Variants in FILIP1 observed in about 807,000 individuals in gnomAD.
FILIP1 encodes the protein filamin A interacting protein 1.
Under a neutral mutation model 102.1 loss-of-function variants are expected in FILIP1, and 61 were observed. The ratio of observed to expected loss-of-function variants is 0.60; its 90% CI spans 0.49 to 0.74. The LOEUF (loss-of-function observed/expected upper bound fraction) is 0.74. FILIP1 is among the 30% of genes least tolerant of loss of function. The pLI is 0.00. For missense variants in FILIP1, 1,314 were observed against 1,441.2 expected, an observed-to-expected ratio of 0.91 and a Z score of 1.43; for synonymous variants, 491 against 526.9, an observed-to-expected ratio of 0.93 and a Z score of 0.93.
intron 2 of FILIP1, among the ~76,000 whole-genome samples, chr6:75,392,249 G>A (rs1448987340): frequency 6.6e-6 from 1 of 151,948 alleles, no homozygotes. Flanking sequence ...TGATTTTACT[G>A]GATTTCAAGG....
At chr6:75,442,949 CAAAG>C (rs1043236288) in intron 1 of FILIP1, among the ~76,000 whole-genome samples, 2 of 152,080 alleles carry the variant, frequency 1.3e-5, no homozygotes, top group Non-Finnish European at 2.9e-5. Context: ...AGAGAGGAAA[CAAAG>C]AAGGAAGAAA....
At position 75,312,663 on chromosome 6, in the gene FILIP1, C is replaced by T; in HGVS notation, c.3169G>A (p.Ala1057Thr). The T allele has an allele frequency of 6.2e-7, 1 of 1,614,162 alleles. No homozygotes were observed. The highest frequency in any genetic ancestry group is 8.5e-7 in the Non-Finnish European group (1 of 1,180,028). Residue 1057 changes from alanine (A) to threonine (T), a missense_variant, in exon 5 of 6, where the codon GCC becomes ACC. By Grantham distance (58) the Ala-to-Thr change is moderately conservative. This residue lies in a region of FILIP1 where 816 missense variants were observed against 913.1 expected (regional missense o/e 0.89). Coordinates refer to ENST00000237172, the MANE Select transcript of FILIP1 (RefSeq NM_015687.5). The part of the protein sequence containing the change: ...PTPVRKYNSN[A>T]NIITTEDNKI... ...TTGTCCTCTGTGGTTATGATATTGG[C>T]ATTGGAGTTGTATTTCCGTACTGGA...
At chr6:75,295,258 A>G (rs992635913) in exon 7 of FILIP1, 1 of 152,202 alleles carries the variant, frequency 6.6e-6, no homozygotes, top group African/African-American at 2.4e-5. Flanking sequence ...TTTTTGGCCC[A>G]GAACACCAGA....
intron 2 of FILIP1, among the ~76,000 whole-genome samples, chr6:75,363,429 G>A (rs1775233031): frequency 6.6e-6 from 1 of 152,154 alleles, no homozygotes; most frequent in African/African-American, 2.4e-5. Context: ...GATTCATTTT[G>A]CACAGAAACA....
intron 1 of FILIP1, among the ~76,000 whole-genome samples, chr6:75,491,116 A>T (rs1293255415): frequency 6.6e-6 from 1 of 152,172 alleles, no homozygotes; most frequent in Non-Finnish European, 1.5e-5. Flanking sequence ...AATCACTTCT[A>T]AAATGTATGA....
At chr6:75,431,530 T>C (rs1348991504) in intron 1 of FILIP1, among the ~76,000 whole-genome samples, 1 of 152,158 alleles carries the variant, frequency 6.6e-6, no homozygotes, top group Non-Finnish European at 1.5e-5. Context: ...AGAACATAAA[T>C]TGAGAATTGC....
chr6:75,387,247 C>G (rs1321388545), intron 2 of FILIP1, among the ~76,000 whole-genome samples: 3 of 152,072 alleles, frequency 2.0e-5, no homozygotes, highest in African/African-American at 4.8e-5. Flanking sequence ...ATGTGCCACA[C>G]TTTCTTTTTC....
intron 1 of FILIP1, among the ~76,000 whole-genome samples, chr6:75,435,228 C>G (rs1205576523): frequency 6.6e-6 from 1 of 151,988 alleles, no homozygotes; most frequent in Non-Finnish European, 1.5e-5. Flanking sequence ...TTTAATGTAG[C>G]CTTTTAAAAA....
At chr6:75,384,522 C>A (rs1168533832) in intron 2 of FILIP1, among the ~76,000 whole-genome samples, 1 of 152,064 alleles carries the variant, frequency 6.6e-6, no homozygotes, top group Non-Finnish European at 1.5e-5. Flanking sequence ...TGTGGTGAAT[C>A]TCATACGAGT....
chr6:75,326,126 T>C (rs9352206), intron 4 of FILIP1, among the ~76,000 whole-genome samples: 98,033 of 149,574 alleles, frequency 0.66, 31,737 homozygotes, highest in Middle Eastern at 0.76. Flanking sequence ...TAGATAGATA[T>C]ACACACACAC....
At chr6:75,431,167 G>A (rs1161921011) in intron 1 of FILIP1, among the ~76,000 whole-genome samples, 1 of 152,102 alleles carries the variant, frequency 6.6e-6, no homozygotes, top group Non-Finnish European at 1.5e-5. Flanking sequence ...CTGAGCATGA[G>A]GGCAGAGGAA....
intron 1 of FILIP1, among the ~76,000 whole-genome samples, chr6:75,436,238 G>A (rs1026519050): frequency 9.2e-5 from 14 of 152,054 alleles, no homozygotes; most frequent in Non-Finnish European, 1.3e-4. Context: ...CCAGGCTAGC[G>A]GCATGTGCCT....
chr6:75,324,164 G>C (rs1358667091), intron 4 of FILIP1, among the ~76,000 whole-genome samples: 1 of 152,010 alleles, frequency 6.6e-6, no homozygotes, highest in Non-Finnish European at 1.5e-5. Context: ...CATCCAGAAA[G>C]CTTCTAGATC....
chr6:75,476,739 T>G (rs773301538), intron 1 of FILIP1, among the ~76,000 whole-genome samples: 7 of 152,224 alleles, frequency 4.6e-5, no homozygotes, highest in Admixed American at 6.5e-5. Flanking sequence ...TTACAACCCT[T>G]GTACTTACAC....
Position 75,381,386 on chromosome 6 carries a change from C to T in FILIP1, c.277-18469G>A, listed in dbSNP as rs555293028. On this transcript the variant is annotated intron_variant, in intron 2 of 5. Transcript: ENST00000237172. Reference sequence around the variant, plus strand: ...CTGGGATTACAGGCGCGTGCCACCACGCCCGGCTAATTTTTGTATTTTTAG... The same window carrying T: ...CTGGGATTACAGGCGCGTGCCACCATGCCCGGCTAATTTTTGTATTTTTAG... Among the ~76,000 whole-genome samples the T allele has an allele frequency of 3.9e-5, 6 of 152,078 alleles. No individual in the cohort carries two copies. In the South Asian group the frequency reaches 6.2e-4, roughly 16 times the overall value.
chr6:75,490,795 T>C (rs1163182881), intron 1 of FILIP1, among the ~76,000 whole-genome samples: 3 of 152,088 alleles, frequency 2.0e-5, no homozygotes, highest in African/African-American at 7.2e-5. Context: ...AATTTTTCTG[T>C]GCGTGGTAAA....
chr6:75,339,193 G>A (rs939540914), intron 4 of FILIP1, among the ~76,000 whole-genome samples: 2 of 152,138 alleles, frequency 1.3e-5, no homozygotes, highest in African/African-American at 4.8e-5. Flanking sequence ...AACTATTGAT[G>A]GAAAATTTGT....
chr6:75,357,783 C>G (rs1775052645), intron 3 of FILIP1, among the ~76,000 whole-genome samples: 2 of 152,192 alleles, frequency 1.3e-5, no homozygotes, highest in African/African-American at 2.4e-5. Flanking sequence ...TTGTTTGGAA[C>G]TACATCAGTC....
chr6:75,414,775 T>A lies in FILIP1; in HGVS notation c.198A>T (p.Glu66Asp). Reference sequence around the variant, plus strand: ...ACTCCAGGGATTTCTTAGTTTTTCGTTCACATTCTCCAGATGTTTTTAGGT... The same window carrying A: ...ACTCCAGGGATTTCTTAGTTTTTCGATCACATTCTCCAGATGTTTTTAGGT... ...KRHLKTSGEC[E>D]RKTKKSLELS... Residue 66 changes from glutamate (E) to aspartate (D), a missense_variant, in exon 2 of 6, where the codon GAA becomes GAT. This residue lies in a region of FILIP1 where 494 missense variants were observed against 511.2 expected (regional missense o/e 0.97). Coordinates refer to ENST00000237172, the MANE Select transcript of FILIP1 (RefSeq NM_015687.5). 1 of 1,613,934 alleles carries A rather than the reference T, an allele frequency of 6.2e-7. No individual in the cohort carries two copies. Among genetic ancestry groups the A allele is most frequent in the Non-Finnish European group, 8.5e-7 (1 of 1,179,840 alleles).
Sources: allele counts gnomAD v4.1 joint callset (sites outside exome capture counted in the v4.1 genomes callset), GRCh38; gene constraint gnomAD v4.1.1; regional missense constraint gnomAD v4.1.1; transcripts MANE v1.5; gene names NCBI Gene and HGNC (gene_info 2026-07-23, HGNC 2026-07-21).